The following TRAPPC13 variants were observed in gnomAD, a reference collection of about 807,000 sequenced individuals.
TRAPPC13 encodes REV7-interacting novel NHEJ regulator 1.
Under a neutral mutation model 54.0 loss-of-function variants are expected in TRAPPC13, and 39 were observed. The ratio of observed to expected loss-of-function variants is 0.72; its 90% CI spans 0.56 to 0.94. The LOEUF is 0.94. Ranked by LOEUF, TRAPPC13 falls within the 40% of genes least tolerant of loss-of-function variation. The pLI, the probability that TRAPPC13 is intolerant of heterozygous loss-of-function variation, is 0.00. For missense variants in TRAPPC13, 386 were observed against 488.1 expected, an observed-to-expected ratio of 0.79 and a Z score of 1.97; for synonymous variants, 148 against 167.7, an observed-to-expected ratio of 0.88 and a Z score of 0.91.
chr5:65,633,566 C>A (rs1291272481), intron 1 of TRAPPC13, among the ~76,000 whole-genome samples: 1 of 152,120 alleles, frequency 6.6e-6, no homozygotes, highest in East Asian at 1.9e-4. Flanking sequence ...CTGTGCCCAG[C>A]CAGATTTGAA....
At chr5:65,643,162 T>C (rs1756033855) in intron 4 of TRAPPC13, among the ~76,000 whole-genome samples, 2 of 148,978 alleles carry the variant, frequency 1.3e-5, no homozygotes, top group Non-Finnish European at 3.0e-5. Context: ...GGGGAAAGGC[T>C]TTTTTTTTTC....
chr5:65,642,867 C>T (rs1756021762), intron 4 of TRAPPC13, among the ~76,000 whole-genome samples: 1 of 151,856 alleles, frequency 6.6e-6, no homozygotes, highest in Non-Finnish European at 1.5e-5. Flanking sequence ...CACTCTGTTG[C>T]CCAATGTAGT....
At chr5:65,654,895 C>T (rs1415802861) in intron 7 of TRAPPC13, among the ~76,000 whole-genome samples, 2 of 152,108 alleles carry the variant, frequency 1.3e-5, no homozygotes, top group Non-Finnish European at 2.9e-5. Flanking sequence ...CTGAAGGGAC[C>T]TGCATCCAGT....
rs762929434 is a variant in TRAPPC13 at position 65,651,842 on chromosome 5, G to GTTTTTTTTTTTTT, written c.502-633_502-621dup. Among the ~76,000 whole-genome samples the GTTTTTTTTTTTTT allele has an allele frequency of 3.9e-4, 16 of 41,156 alleles. 1 individual carries two copies. The highest frequency in any genetic ancestry group is 1.4e-3 in the African/African-American group (15 of 10,800). 27.0% of individuals were successfully genotyped at this position (41,156 alleles called of 152,430 possible). On this transcript the variant is annotated intron_variant, in intron 6 of 12. Coordinates refer to ENST00000399438, the MANE Select transcript of TRAPPC13 (RefSeq NM_024941.4). ...TTGAAAGAAAATAAAACGTGATTCA[G>GTTTTTTTTTTTTT]TTTTTTTTTTTTTTTTTTTTTTTTT...
chr5:65,630,242 T>C (rs571337883), intron 1 of TRAPPC13: 1 of 1,535,854 alleles, frequency 6.5e-7, no homozygotes, highest in Non-Finnish European at 8.7e-7. Flanking sequence ...TGATATTATG[T>C]ATTGTGAATA....
At chr5:65,629,557 T>G in intron 1 of TRAPPC13, 1 of 1,478,106 alleles carries the variant, frequency 6.8e-7, no homozygotes, top group Non-Finnish European at 8.9e-7. Flanking sequence ...AGAAATTTTC[T>G]CATCACTAAG....
chr5:65,659,738 C>T (rs1407221327), intron 9 of TRAPPC13, among the ~76,000 whole-genome samples: 1 of 151,992 alleles, frequency 6.6e-6, no homozygotes, highest in Non-Finnish European at 1.5e-5. Context: ...AATCCTAACC[C>T]TTTGGAAGGC....
intron 8 of TRAPPC13, among the ~76,000 whole-genome samples, chr5:65,656,918 A>T (rs364192): frequency 0.6 from 90,203 of 150,958 alleles, 27,222 homozygotes; most frequent in South Asian, 0.64. Context: ...AATAAATAAA[A>T]ATACAAAAAT....
At chr5:65,655,439 C>T (rs1463382303) in intron 7 of TRAPPC13, among the ~76,000 whole-genome samples, 197 bp from the exon 8 acceptor site, 1 of 152,052 alleles carries the variant, frequency 6.6e-6, no homozygotes, top group Admixed American at 6.6e-5. Flanking sequence ...GTCATTTAAC[C>T]TTAGCAGTTT....
At chr5:65,626,614 T>C (rs908010450) in intron 1 of TRAPPC13, among the ~76,000 whole-genome samples, 4 of 151,994 alleles carry the variant, frequency 2.6e-5, no homozygotes, top group Non-Finnish European at 5.9e-5. Context: ...CGGGCGCCTG[T>C]AGTCCCAGTT....
chr5:65,641,730 A>G (rs567175471), intron 4 of TRAPPC13, among the ~76,000 whole-genome samples: 5 of 151,764 alleles, frequency 3.3e-5, no homozygotes, highest in African/African-American at 1.2e-4. Flanking sequence ...AAAAAACAAA[A>G]AAAACAAGAC....
chr5:65,659,988 A>G (rs77990646), intron 9 of TRAPPC13, among the ~76,000 whole-genome samples: 10,242 of 138,806 alleles, frequency 0.074, 281 homozygotes, highest in African/African-American at 0.12. Flanking sequence ...AAAAAAAAAA[A>G]AAGAAGAAGA....
intron 8 of TRAPPC13, among the ~76,000 whole-genome samples, chr5:65,656,776 C>T (rs1412388961): frequency 6.6e-6 from 1 of 151,944 alleles, no homozygotes; most frequent in African/African-American, 2.4e-5. Context: ...CATGGTGGCA[C>T]TTGCCCGTAA....
At chr5:65,661,384 T>C (rs559411100) in intron 10 of TRAPPC13, 1 of 152,488 alleles carries the variant, frequency 6.6e-6, no homozygotes, top group Admixed American at 6.5e-5. Flanking sequence ...TCTCTGAGAG[T>C]AGGGATAGCT....
Position 65,652,493 on chromosome 5 carries a change from T to C in TRAPPC13, c.502-8T>C. ...CAATCTCCTGATTGATATGCTTTAT[T>C]TAACCAGGTTCTCAAACCATTGGAT... On this transcript the variant is annotated splice_polypyrimidine_tract_variant and splice_region_variant and intron_variant, in intron 6 of 12. Transcript: ENST00000399438. 3.8e-6 allele frequency: 6 copies of C among 1,597,396 alleles called. No individual in the cohort carries two copies. Among genetic ancestry groups the C allele is most frequent in the Non-Finnish European group, 5.1e-6 (6 of 1,165,440 alleles).
chr5:65,650,963 G>A, intron 6 of TRAPPC13, 81 bp downstream of exon 6: 1 of 1,024,150 alleles, frequency 9.8e-7, no homozygotes, highest in Non-Finnish European at 1.5e-6. Context: ...TTTATCTGCA[G>A]GGAAAACAAG....
intron 1 of TRAPPC13, chr5:65,629,468 GT>G: frequency 7.0e-7 from 1 of 1,423,954 alleles, no homozygotes; most frequent in Admixed American, 2.9e-5. Context: ...TCTACTTTAG[GT>G]CCTGTTTCCC....
At chr5:65,627,428 G>A (rs906241240) in intron 1 of TRAPPC13, among the ~76,000 whole-genome samples, 2 of 151,852 alleles carry the variant, frequency 1.3e-5, no homozygotes, top group Non-Finnish European at 2.9e-5. Context: ...TCAGGAGTTC[G>A]AGACCAGCCT....
chr5:65,653,412 A>G (rs1027456271), intron 7 of TRAPPC13, among the ~76,000 whole-genome samples: 1 of 152,158 alleles, frequency 6.6e-6, no homozygotes, highest in African/African-American at 2.4e-5. Context: ...TACCATCCAC[A>G]ATCTGAATTT....
Sources: gnomAD v4.1 joint callset for allele counts (sites outside exome capture counted in the v4.1 genomes callset) on GRCh38, gnomAD v4.1.1 for gene constraint, MANE v1.5 for transcripts, NCBI Gene and HGNC (gene_info 2026-07-23, HGNC 2026-07-21) for gene names.